The following ENTREP2 variants were observed in gnomAD, a reference collection of about 807,000 sequenced individuals.
The protein encoded by ENTREP2 is protein ENTREP2.
the ENTREP2 span, among the ~76,000 whole-genome samples, chr15:29,255,917 C>T: frequency 1.3e-5 from 2 of 149,514 alleles, no homozygotes; most frequent in African/African-American, 4.9e-5. Flanking sequence ...AGGAGAATAG[C>T]ATGAACCCGG....
chr15:29,154,259 A>G, the ENTREP2 span, among the ~76,000 whole-genome samples: 1 of 152,008 alleles, frequency 6.6e-6, no homozygotes, highest in South Asian at 2.1e-4. Flanking sequence ...ACCTTTTATT[A>G]TTATTATTGT....
chr15:29,356,344 T>TCGCCCAG, the ENTREP2 span, among the ~76,000 whole-genome samples: 1 of 132,448 alleles, frequency 7.6e-6, no homozygotes, highest in African/African-American at 2.8e-5. Flanking sequence ...TCTCGCTCTG[T>TCGCCCAG]CGCCCAGGCT....
the ENTREP2 span, among the ~76,000 whole-genome samples, chr15:29,498,108 T>C: frequency 6.6e-6 from 1 of 152,286 alleles, no homozygotes; most frequent in East Asian, 1.9e-4. Context: ...TGACAGCTGA[T>C]GGCTTTTAAG....
At chr15:29,473,172 C>T in the ENTREP2 span, among the ~76,000 whole-genome samples, 10 of 152,196 alleles carry the variant, frequency 6.6e-5, no homozygotes. Context: ...GGTGGCCCAG[C>T]TTCACCCTAT....
At chr15:29,215,521 C>T in the ENTREP2 span, among the ~76,000 whole-genome samples, 1 of 151,744 alleles carries the variant, frequency 6.6e-6, no homozygotes, top group African/African-American at 2.4e-5. Flanking sequence ...AGCCTGCAGA[C>T]AGCCTATTGT....
the ENTREP2 span, among the ~76,000 whole-genome samples, chr15:29,633,042 G>T: frequency 2.0e-5 from 3 of 152,212 alleles, no homozygotes; most frequent in East Asian, 5.8e-4. Context: ...TTGGCATTAG[G>T]ATTGCATCCA....
chr15:29,646,409 G>A, the ENTREP2 span, among the ~76,000 whole-genome samples: 2 of 152,190 alleles, frequency 1.3e-5, no homozygotes, highest in African/African-American at 4.8e-5. Flanking sequence ...TAGGACTGGG[G>A]AGCTTGTTTC....
At chr15:29,565,236 C>A in the ENTREP2 span, among the ~76,000 whole-genome samples, 1 of 152,174 alleles carries the variant, frequency 6.6e-6, no homozygotes, top group East Asian at 1.9e-4. Context: ...TTGCTAATAT[C>A]CCACGCTGCA....
At chr15:29,187,042 T>A in the ENTREP2 span, among the ~76,000 whole-genome samples, 1 of 152,134 alleles carries the variant, frequency 6.6e-6, no homozygotes, top group Non-Finnish European at 1.5e-5. Context: ...TTTTCATATA[T>A]TCCCACTTCC....
the ENTREP2 span, among the ~76,000 whole-genome samples, chr15:29,555,139 G>A: frequency 2.2e-4 from 33 of 152,292 alleles, no homozygotes; most frequent in Admixed American, 1.1e-3. Context: ...AGAAGGAACC[G>A]GGGAAGAGGG....
the ENTREP2 span, among the ~76,000 whole-genome samples, chr15:29,449,564 A>G: frequency 2.0e-5 from 3 of 152,218 alleles, no homozygotes; most frequent in African/African-American, 7.2e-5. Flanking sequence ...ATAAATAACC[A>G]ACATGTTAGT....
chr15:29,317,867 G>T, the ENTREP2 span, among the ~76,000 whole-genome samples: 1 of 152,150 alleles, frequency 6.6e-6, no homozygotes, highest in African/African-American at 2.4e-5. Context: ...GAAGGAGGCG[G>T]GAGGCTGTGG....
the ENTREP2 span, among the ~76,000 whole-genome samples, chr15:29,325,065 T>C: frequency 6.6e-6 from 1 of 152,272 alleles, no homozygotes; most frequent in Non-Finnish European, 1.5e-5. Context: ...TACTTGGAGA[T>C]TTTAAAACAC....
the ENTREP2 span, among the ~76,000 whole-genome samples, chr15:29,635,277 C>T: frequency 6.6e-6 from 1 of 152,138 alleles, no homozygotes; most frequent in Non-Finnish European, 1.5e-5. Flanking sequence ...CGTAACCAGC[C>T]CCAACCTTCC....
chr15:29,599,870 GC>G, the ENTREP2 span, among the ~76,000 whole-genome samples: 1 of 152,342 alleles, frequency 6.6e-6, no homozygotes, highest in East Asian at 1.9e-4. Context: ...CAAGAGCCGA[GC>G]AGCAGCCCTG....
the ENTREP2 span, among the ~76,000 whole-genome samples, chr15:29,587,171 G>GTGTGTGTA: frequency 2.3e-4 from 34 of 147,236 alleles, no homozygotes; most frequent in South Asian, 1.1e-3. Flanking sequence ...GTGTGTGTGT[G>GTGTGTGTA]TGTGTGTGTG....
chr15:29,642,489 A>G, the ENTREP2 span, among the ~76,000 whole-genome samples: 1 of 147,332 alleles, frequency 6.8e-6, no homozygotes, highest in African/African-American at 2.5e-5. Flanking sequence ...ACACATATAT[A>G]CATATATACA....
At chr15:29,523,709 A>G in the ENTREP2 span, among the ~76,000 whole-genome samples, 1 of 151,902 alleles carries the variant, frequency 6.6e-6, no homozygotes, top group African/African-American at 2.4e-5. Context: ...AAAACTTACT[A>G]CAAAGCTACT....
At chr15:29,482,627 G>A in the ENTREP2 span, among the ~76,000 whole-genome samples, 1 of 152,096 alleles carries the variant, frequency 6.6e-6, no homozygotes, top group African/African-American at 2.4e-5. Context: ...CTTTCCCTTA[G>A]TAATATTAAT....
Sources: gnomAD v4.1 joint callset for allele counts (sites outside exome capture counted in the v4.1 genomes callset) on GRCh38, gnomAD v4.1.1 for gene constraint, MANE v1.5 for transcripts, NCBI Gene and HGNC (gene_info 2026-07-23, HGNC 2026-07-21) for gene names.